CAMTA2: variants seen among roughly 807,000 people sequenced by gnomAD.
CAMTA2 encodes the protein calmodulin binding transcription activator 2, also known as calmodulin-binding transcription activator 2.
CAMTA2 carries 56 observed loss-of-function variants against 135.7 expected under a neutral mutation model. The observed-to-expected ratio is 0.41, with a 90% CI of 0.33 to 0.52. CAMTA2 has a LOEUF of 0.52. Ranked by LOEUF, CAMTA2 falls within the 20% of genes least tolerant of loss-of-function variation. The pLI, the probability that CAMTA2 is intolerant of heterozygous loss-of-function variation, is 0.16. For synonymous variants in CAMTA2, 591 were observed against 604.6 expected (o/e 0.98, Z 0.33); for missense variants, 1,358 against 1,553.4 (o/e 0.87, Z 2.11).
rs1199164333 is a variant in CAMTA2, at chr17:4,974,505, G to A, written c.1901-5C>T. ...TGGACATCCGGAACTGGTTGTCTGA[G>A]GGGGAACGGGTATGGGAGGCTGAGT... On this transcript the variant is annotated splice_region_variant and splice_polypyrimidine_tract_variant and intron_variant, in intron 11 of 22. Coordinates refer to ENST00000348066, the MANE Select transcript of CAMTA2 (RefSeq NM_015099.4). The A allele has an allele frequency of 1.1e-5, 17 of 1,595,496 alleles. No individual in the cohort carries two copies. The highest frequency in any genetic ancestry group is 1.5e-5 in the Non-Finnish European group (17 of 1,163,136).
chr17:4,974,395 G>T lies in CAMTA2; in HGVS notation c.2006C>A (p.Pro669His). 6.2e-7 allele frequency: 1 copy of T among 1,607,732 alleles called. No homozygotes were observed. Among genetic ancestry groups the T allele is most frequent in the Non-Finnish European group, 8.5e-7 (1 of 1,174,298 alleles). Residue 669 changes from proline (P) to histidine (H), a missense_variant, in exon 12 of 23, where the codon CCT (proline) becomes CAT (histidine). Transcript: ENST00000348066. ...TCCTCACAGAAGTACCTGAACTGGA[G>T]GAGCATCAGGACCCTGGCAAGGCAC... ...GQVPCQGPDAPPVQDEGQGPG... is the reference protein window; with the variant it reads ...GQVPCQGPDAHPVQDEGQGPG...
At chr17:4,975,685 C>T (rs369876957) in intron 11 of CAMTA2, among the ~76,000 whole-genome samples, 9 of 151,788 alleles carry the variant, frequency 5.9e-5, no homozygotes, top group Admixed American at 2.0e-4. Flanking sequence ...ACCAGAGCTC[C>T]GGAGAGAGAG....
chr17:4,987,666 A>G lies in CAMTA2; in HGVS notation c.-138T>C. On this transcript the variant is annotated 5_prime_UTR_variant, in exon 1 of 23. Transcript: ENST00000348066. ...CCGACCCCCCCCAGCGCCGGCTGAC[A>G]GCGGCGTCTAACGTCACTGCGCACG... The G allele has an allele frequency of 1.3e-6, 2 of 1,518,308 alleles. No homozygotes were observed. Among genetic ancestry groups the G allele is most frequent in the Non-Finnish European group, 1.8e-6 (2 of 1,137,204 alleles). 94.1% of individuals were successfully genotyped at this position (1,518,308 alleles called of 1,614,324 possible).
chr17:4,974,296 G>A, intron 12 of CAMTA2, 89 bp downstream of exon 12: 1 of 814,784 alleles, frequency 1.2e-6, no homozygotes, highest in Non-Finnish European at 2.1e-6. Flanking sequence ...GACAGGAGAG[G>A]GAGGAGAGTC....
rs238234 is a variant in CAMTA2 at position 4,980,523 on chromosome 17, C to G, written c.799G>C (p.Ala267Pro). The G allele has an allele frequency of 0.79, 1,259,016 of 1,600,024 alleles. 502,365 individuals carry two copies. Among genetic ancestry groups the G allele is most frequent in the African/African-American group, 0.94 (67,059 of 71,670 alleles). The change falls in exon 9 of 23, where the codon GCT becomes CCT. Residue 267 changes from alanine to proline, a missense_variant. Physicochemically the swap from Ala to Pro is conservative, Grantham distance 27 (BLOSUM62 -1). Around this residue, in one of 4 missense-constraint regions of CAMTA2, gnomAD observed 1,077 missense variants for 1,127.5 expected, o/e 0.96. Transcript: ENST00000348066. The surrounding 1 kb of genome is among the most constrained non-coding windows in gnomAD (Gnocchi z 5.3). Reference protein sequence around the residue: ...RALTLTSIPHAHPPEPPPLIA... With the variant: ...RALTLTSIPHPHPPEPPPLIA... ...AGTGGAGGAGGCTCTGGGGGGTGAG[C>G]GTGGGGGATAGAGGTCAGGGTTAAA...
Position 4,980,605 on chromosome 17 carries a change from G to A in CAMTA2, c.717C>T (p.Thr239=). ...CSGGLGSGSL[T]HKCSSTKHRI... Reference sequence around the variant, plus strand: ...GGTGTTTCGTGCTGCTGCATTTGTGGGTAAGGCTCCCAGAACCTGGAGTGG... The same window carrying A: ...GGTGTTTCGTGCTGCTGCATTTGTGAGTAAGGCTCCCAGAACCTGGAGTGG... The change falls in exon 9 of 23, where the codon ACC becomes ACT. Residue 239 remains threonine (T), a synonymous_variant. Transcript: ENST00000348066. This position sits in a 1 kb window ranked among gnomAD's most constrained non-coding sequence, Gnocchi z 5.3. 6.2e-7 allele frequency: 1 copy of A among 1,613,898 alleles called. No homozygotes were observed. The highest frequency in any genetic ancestry group is 8.5e-7 in the Non-Finnish European group (1 of 1,179,910).
intron 12 of CAMTA2, 35 bp downstream of exon 12, chr17:4,974,350 C>T: frequency 7.4e-7 from 1 of 1,355,122 alleles, no homozygotes; most frequent in Non-Finnish European, 1.1e-6. Flanking sequence ...CCCCCTGCTC[C>T]CCACCGTAGA....
chr17:4,983,238 T>G, intron 3 of CAMTA2, 195 bp from the exon 4 acceptor site: 1 of 565,316 alleles, frequency 1.8e-6, no homozygotes, highest in Non-Finnish European at 3.2e-6. Flanking sequence ...AAGTCTAACA[T>G]TTTTTTGTGA....
At chr17:4,975,804 T>G (rs2151175834) in intron 11 of CAMTA2, among the ~76,000 whole-genome samples, 1 of 151,696 alleles carries the variant, frequency 6.6e-6, no homozygotes, top group Admixed American at 6.6e-5. Context: ...AAGCTAACCT[T>G]GAGAAAGCAG....
At position 4,969,853 on chromosome 17, in the gene CAMTA2, T is replaced by TC. The variant is rs1339152130; in HGVS notation, c.3189+48dup. 4 of 1,601,636 alleles carry TC rather than the reference T, an allele frequency of 2.5e-6. No homozygotes were observed. The highest frequency in any genetic ancestry group is 2.6e-6 in the Non-Finnish European group (3 of 1,170,080). ...CTCCAAAAGCCCTGGGAGCCCAGTC[T>TC]CCCCTGACTGGAGATTGTGTAATTC... On this transcript the variant is annotated intron_variant, in intron 18 of 22. Coordinates refer to ENST00000348066, the MANE Select transcript of CAMTA2 (RefSeq NM_015099.4). This position sits in a 1 kb window ranked among gnomAD's most constrained non-coding sequence, Gnocchi z 5.6.
chr17:4,982,172 C>G lies in CAMTA2; in HGVS notation c.340-12G>C. The G allele has an allele frequency of 1.9e-6, 3 of 1,573,540 alleles. No individual in the cohort carries two copies. Among genetic ancestry groups the G allele is most frequent in the Non-Finnish European group, 2.6e-6 (3 of 1,146,386 alleles). ...CAGCCATAGAGACACTGCCAGGAGACAGGCTGGGGTGGGGGGAGGGCTAGT... is the reference window on the plus strand; with the variant it reads ...CAGCCATAGAGACACTGCCAGGAGAGAGGCTGGGGTGGGGGGAGGGCTAGT... On this transcript the variant is annotated splice_polypyrimidine_tract_variant and intron_variant, in intron 5 of 22. Coordinates refer to ENST00000348066, the MANE Select transcript of CAMTA2 (RefSeq NM_015099.4).
In CAMTA2 at chr17:4,968,677, TC is replaced by T; in HGVS notation, c.*78del. 2.0e-6 allele frequency: 3 copies of T among 1,527,390 alleles called. No individual in the cohort carries two copies. Among genetic ancestry groups the T allele is most frequent in the South Asian group, 1.1e-5 (1 of 89,170 alleles). The allele number at this position is 1,527,390 out of a possible 1,614,324, so 94.6% of individuals were successfully genotyped here. Reference sequence around the variant, plus strand: ...GAACAGGAAAGCTGCCGACAGGGGCTCCCCCTGCCCCAGAAAGCCCTCTCCC... The same window carrying T: ...GAACAGGAAAGCTGCCGACAGGGGCTCCCCTGCCCCAGAAAGCCCTCTCCC... On this transcript the variant is annotated 3_prime_UTR_variant, in exon 23 of 23. Transcript: ENST00000348066.
intron 13 of CAMTA2, 118 bp downstream of exon 13, chr17:4,973,467 T>A: frequency 9.3e-7 from 1 of 1,080,134 alleles, no homozygotes; most frequent in Non-Finnish European, 1.3e-6. Flanking sequence ...ACCCCCTCCC[T>A]TCCCACAATG....
At chr17:4,979,599 C>A in intron 9 of CAMTA2, 85 bp downstream of exon 9, 1 of 921,018 alleles carries the variant, frequency 1.1e-6, no homozygotes, top group South Asian at 1.8e-5. Flanking sequence ...GGTCACAGAC[C>A]ACGGGGTAAG....
At chr17:4,974,364 C>T (rs919293667) in intron 12 of CAMTA2, 21 bp downstream of exon 12, 4 of 1,503,726 alleles carry the variant, frequency 2.7e-6, no homozygotes, top group Non-Finnish European at 3.7e-6. Context: ...CCGTAGACCA[C>T]CTCCCTCCTC....
chr17:4,972,731 C>T, intron 15 of CAMTA2, 38 bp downstream of exon 15: 1 of 1,588,174 alleles, frequency 6.3e-7, no homozygotes, highest in African/African-American at 1.3e-5. Flanking sequence ...ATCCTCCTAC[C>T]TACATCCCTC....
chr17:4,975,463 G>A (rs556401583), intron 11 of CAMTA2, among the ~76,000 whole-genome samples: 6 of 152,138 alleles, frequency 3.9e-5, no homozygotes, highest in African/African-American at 9.7e-5. Flanking sequence ...AAAGAAGAGG[G>A]ATGGAAGAGA....
chr17:4,971,798 TG>T (rs1397262374), intron 16 of CAMTA2, among the ~76,000 whole-genome samples: 1 of 151,794 alleles, frequency 6.6e-6, no homozygotes, highest in African/African-American at 2.4e-5. Context: ...AAGTGATTCT[TG>T]TGTCTCAGCC....
chr17:4,981,868 C>T, intron 6 of CAMTA2, 37 bp from the exon 7 acceptor site: 1 of 1,558,506 alleles, frequency 6.4e-7, no homozygotes, highest in Non-Finnish European at 8.7e-7. Flanking sequence ...CCATGGGGTC[C>T]TGAGGTCCAG....
Sources: gnomAD v4.1 joint callset for allele counts (sites outside exome capture counted in the v4.1 genomes callset) on GRCh38, gnomAD v4.1.1 for gene constraint, gnomAD v4.1.1 regional missense constraint, Gnocchi (gnomAD v3.1) non-coding constraint, MANE v1.5 for transcripts, NCBI Gene and HGNC (gene_info 2026-07-23, HGNC 2026-07-21) for gene names.